PIK3C2B: variants seen among roughly 807,000 people sequenced by gnomAD.
PIK3C2B encodes the protein phosphatidylinositol-4-phosphate 3-kinase catalytic subunit type 2 beta.
PIK3C2B carries 83 observed loss-of-function variants against 184.3 expected under a neutral mutation model. The observed-to-expected ratio is 0.45, with a 90% CI of 0.38 to 0.54. The LOEUF is 0.54. Among genes scored for constraint, PIK3C2B ranks in the 20% least tolerant of loss-of-function variants. The probability of loss-of-function intolerance (pLI) is 0.00; values close to 1 mark genes in which losing one functional copy is unlikely to be tolerated. For missense variants in PIK3C2B, 1,736 were observed against 2,113.5 expected, an observed-to-expected ratio of 0.82 and a Z score of 3.50; for synonymous variants, 779 against 837.6, an observed-to-expected ratio of 0.93 and a Z score of 1.21.
chr1:204,458,511 T>TTTA, intron 8 of PIK3C2B, among the ~76,000 whole-genome samples: 1 of 150,836 alleles, frequency 6.6e-6, no homozygotes, highest in African/African-American at 2.5e-5. Flanking sequence ...TTTTTTTTTT[T>TTTA]GAGACGGAGT....
chr1:204,441,425 TC>T, intron 21 of PIK3C2B, 45 bp downstream of exon 21: 1 of 1,330,600 alleles, frequency 7.5e-7, no homozygotes, highest in East Asian at 2.3e-5. Context: ...GCTGCCTCCT[TC>T]TCTCTCCCAC....
At chr1:204,483,735 C>T (rs1169683241) in intron 1 of PIK3C2B, among the ~76,000 whole-genome samples, 4 of 152,190 alleles carry the variant, frequency 2.6e-5, no homozygotes, top group African/African-American at 9.7e-5. Context: ...CCCCAGTTTG[C>T]ACAGGAAGGT....
At chr1:204,431,305 C>A in intron 28 of PIK3C2B, 4 of 272,062 alleles carry the variant, frequency 1.5e-5, no homozygotes, top group Non-Finnish European at 2.2e-5. Context: ...CACGTTGTTA[C>A]CCGTGTCGAA....
intron 1 of PIK3C2B, among the ~76,000 whole-genome samples, chr1:204,492,423 C>T (rs1658067385): frequency 6.6e-6 from 1 of 152,134 alleles, no homozygotes; most frequent in East Asian, 1.9e-4. Flanking sequence ...GAGCCTGAAC[C>T]TTATAGCTAG....
chr1:204,445,948 C>T lies in PIK3C2B; in HGVS notation c.2678+8G>A, dbSNP rs758051368. 42 of 1,498,498 alleles carry T rather than the reference C, an allele frequency of 2.8e-5. No individual in the cohort carries two copies. The highest frequency in any genetic ancestry group is 3.1e-5 in the Non-Finnish European group (35 of 1,113,184). The allele number at this position is 1,498,498 out of a possible 1,614,324, so 92.8% of individuals were successfully genotyped here. ...ACATAGTCAGAAAAGGCAGATGTTA[C>T]AACTCACGTGGCATGCAGGAGCCCC... is the stretch of plus-strand genomic sequence containing the variant. On this transcript the variant is annotated splice_region_variant and intron_variant, in intron 16 of 32. Coordinates refer to ENST00000684373, the MANE Select transcript of PIK3C2B (RefSeq NM_001377334.1).
intron 8 of PIK3C2B, 35 bp downstream of exon 8, chr1:204,459,843 C>G (rs1163763385): frequency 8.9e-6 from 14 of 1,577,758 alleles, no homozygotes; most frequent in Non-Finnish European, 1.1e-5. Context: ...GAGGAGCTTT[C>G]GGGCAGCAGG....
chr1:204,452,679 G>T (rs1193367478), intron 12 of PIK3C2B, among the ~76,000 whole-genome samples: 1 of 122,632 alleles, frequency 8.2e-6, no homozygotes, highest in East Asian at 2.4e-4. Context: ...TTTTAAGATA[G>T]GGTCTCACTC....
chr1:204,459,368 T>C (rs1655133533), intron 8 of PIK3C2B, among the ~76,000 whole-genome samples: 1 of 152,238 alleles, frequency 6.6e-6, no homozygotes, highest in African/African-American at 2.4e-5. Context: ...TTGTGACATT[T>C]AAGACAAATG....
chr1:204,460,174 G>T, intron 7 of PIK3C2B, 150 bp downstream of exon 7: 1 of 693,698 alleles, frequency 1.4e-6, no homozygotes, highest in Non-Finnish European at 2.5e-6. Flanking sequence ...CATGCCTGGA[G>T]TGGGGATCTT....
intron 2 of PIK3C2B, among the ~76,000 whole-genome samples, chr1:204,467,761 G>A (rs1267510604): frequency 2.7e-5 from 4 of 149,534 alleles, no homozygotes; most frequent in Non-Finnish European, 5.9e-5. Context: ...CTTGAACCCG[G>A]GAGGCAGAGG....
chr1:204,449,115 C>T lies in PIK3C2B; in HGVS notation c.2346+70G>A, dbSNP rs1455175963. On this transcript the variant is annotated intron_variant, in intron 14 of 32. Coordinates refer to ENST00000684373, the MANE Select transcript of PIK3C2B (RefSeq NM_001377334.1). ...TCTCCTGCTGTCCCAGCCCAAATCTCCAGGAGAAAAATGTAGAGTTGACTG... is the reference window on the plus strand; with the variant it reads ...TCTCCTGCTGTCCCAGCCCAAATCTTCAGGAGAAAAATGTAGAGTTGACTG... 8.1e-6 allele frequency: 9 copies of T among 1,116,620 alleles called. No individual in the cohort carries two copies. The Admixed American group carries it at 1.8e-4, about 22-fold the overall frequency. The allele number at this position is 1,116,620 out of a possible 1,614,324, so 69.2% of individuals were successfully genotyped here. A position where few individuals can be genotyped will look rare whatever the true frequency, so the allele number is the denominator to read the frequency against.
intron 8 of PIK3C2B, 149 bp downstream of exon 8, chr1:204,459,729 A>T (rs1384290488): frequency 1.5e-6 from 1 of 674,370 alleles, no homozygotes; most frequent in Admixed American, 2.4e-5. Flanking sequence ...TAGTTTGCCC[A>T]TGAGCGAGGG....
intron 1 of PIK3C2B, among the ~76,000 whole-genome samples, chr1:204,492,231 A>T (rs1191836127): frequency 6.6e-6 from 1 of 152,098 alleles, no homozygotes; most frequent in Non-Finnish European, 1.5e-5. Flanking sequence ...GGTAAGCAGC[A>T]TTTCATTATT....
chr1:204,436,463 G>A (rs1253686579), intron 23 of PIK3C2B, among the ~76,000 whole-genome samples: 3 of 152,122 alleles, frequency 2.0e-5, no homozygotes, highest in Non-Finnish European at 4.4e-5. Context: ...CCAGGAGGTG[G>A]AGGTTGCAGT....
chr1:204,469,120 T>G lies in PIK3C2B; in HGVS notation c.683A>C (p.Tyr228Ser), dbSNP rs1281678700. Residue 228 changes from tyrosine to serine, a missense_variant, in exon 2 of 33, where the codon TAT (tyrosine) becomes TCT (serine). By Grantham distance (144) the Tyr-to-Ser change is moderately radical. This residue lies in a region of PIK3C2B where 404 missense variants were observed against 418.0 expected (regional missense o/e 0.97). Coordinates refer to ENST00000684373, the MANE Select transcript of PIK3C2B (RefSeq NM_001377334.1). ...GQGRLLGSVD[Y>S]DGINDAITRL... is the part of the protein sequence containing the mutation. ...AGTAATTGCATCATTGATACCATCA[T>G]AGTCCACAGACCCCAGTAGGCGCCC... is the stretch of plus-strand genomic sequence containing the variant. The G allele has an allele frequency of 6.2e-7, 1 of 1,614,074 alleles. No individual in the cohort carries two copies. The highest frequency in any genetic ancestry group is 1.3e-5 in the African/African-American group (1 of 74,932).
Position 204,443,515 on chromosome 1 carries a change from T to C in PIK3C2B, c.2950A>G (p.Lys984Glu). ...LLAALLCCCGKGLREEFNRQC... is the reference protein window; with the variant it reads ...LLAALLCCCGEGLREEFNRQC... Reference sequence around the variant, plus strand: ...CGGTTAAACTCTTCTCTCAGCCCCTTGCCACAGCAGCACAGTAAGGCTGCC... The same window carrying C: ...CGGTTAAACTCTTCTCTCAGCCCCTCGCCACAGCAGCACAGTAAGGCTGCC... The change falls in exon 19 of 33, where the codon AAG becomes GAG. Residue 984 changes from lysine (K) to glutamate (E), a missense_variant. Coordinates refer to ENST00000684373, the MANE Select transcript of PIK3C2B (RefSeq NM_001377334.1). 3 of 1,614,230 alleles carry C rather than the reference T, an allele frequency of 1.9e-6. No homozygotes were observed. The highest frequency in any genetic ancestry group is 2.5e-6 in the Non-Finnish European group (3 of 1,180,038).
At chr1:204,430,299 T>C (rs1464739487) in intron 28 of PIK3C2B, among the ~76,000 whole-genome samples, 1 of 151,076 alleles carries the variant, frequency 6.6e-6, no homozygotes. Context: ...GTCCTGTGGC[T>C]CCCCAGAAAT....
In PIK3C2B at chr1:204,449,249, T is replaced by C. The variant is rs1177716880; in HGVS notation, c.2282A>G (p.Gln761Arg). ...RKLLGLWPAT[Q>R]ENPSARWSAP... is the part of the protein sequence containing the mutation. ...ACTCCAACGGGCGCTGGGATTTTCC[T>C]GTGTTGCTGGCCACAAACCCAGAAG... is the stretch of plus-strand genomic sequence containing the variant. Residue 761 changes from glutamine (Q) to arginine (R), a missense_variant, in exon 14 of 33, where the codon CAG becomes CGG. Physicochemically the swap from Gln to Arg is conservative, Grantham distance 43. Transcript: ENST00000684373. 5.6e-6 allele frequency: 9 copies of C among 1,612,970 alleles called. No individual in the cohort carries two copies. The highest frequency in any genetic ancestry group is 2.2e-5 in the South Asian group (2 of 90,574).
Position 204,444,179 on chromosome 1 carries a change from G to A in PIK3C2B, c.2773-17C>T, listed in dbSNP as rs1653642505. ...CTTCAGGGCCTGTTTCGGAGAAAGG[G>A]AGAAAGAGAATATGAAGCTTCATTA... is the stretch of plus-strand genomic sequence containing the variant. On this transcript the variant is annotated splice_polypyrimidine_tract_variant and intron_variant, in intron 17 of 32. Coordinates refer to ENST00000684373, the MANE Select transcript of PIK3C2B (RefSeq NM_001377334.1). 3 of 1,566,524 alleles carry A rather than the reference G, an allele frequency of 1.9e-6. No individual in the cohort carries two copies. The highest frequency in any genetic ancestry group is 2.6e-6 in the Non-Finnish European group (3 of 1,136,336).
Sources: gnomAD v4.1 joint callset for allele counts (sites outside exome capture counted in the v4.1 genomes callset) on GRCh38, gnomAD v4.1.1 for gene constraint, gnomAD v4.1.1 regional missense constraint, MANE v1.5 for transcripts, NCBI Gene and HGNC (gene_info 2026-07-23, HGNC 2026-07-21) for gene names.